The following SULF1 variants were observed in gnomAD, a reference collection of about 807,000 sequenced individuals.
SULF1 encodes extracellular sulfatase Sulf-1.
SULF1 carries 46 observed loss-of-function variants against 110.5 expected under a neutral mutation model. That is an observed-to-expected ratio of 0.42 (90% CI 0.33 to 0.53). The LOEUF is 0.53. Among genes scored for constraint, SULF1 ranks in the 20% least tolerant of loss-of-function variants. The pLI, the probability that SULF1 is intolerant of heterozygous loss-of-function variation, is 0.12. For synonymous variants in SULF1, 371 were observed against 387.1 expected (o/e 0.96, Z 0.49); for missense variants, 941 against 1,094.2 (o/e 0.86, Z 1.98).
At chr8:69,536,463 T>C (rs1347273178) in intron 3 of SULF1, among the ~76,000 whole-genome samples, 7 of 152,190 alleles carry the variant, frequency 4.6e-5, no homozygotes, top group Admixed American at 4.6e-4. Context: ...CTACTATATA[T>C]CAGAAGACAT....
rs1473127567 is a variant in SULF1 at position 69,660,900 on chromosome 8, G to A, written c.*2365G>A. ...GAAGCAATATTTCTTCAAATAAAAG[G>A]TGTTTAAACTTTTTTCTGTTTCAGA... On this transcript the variant is annotated 3_prime_UTR_variant, in exon 23 of 23. Transcript: ENST00000402687. 6.6e-6 allele frequency: 1 copy of A among 152,536 alleles called. No homozygotes were observed. The highest frequency in any genetic ancestry group is 2.1e-4 in the South Asian group (1 of 4,830). 9.4% of individuals were successfully genotyped at this position (152,536 alleles called of 1,614,324 possible). A position where few individuals can be genotyped will look rare whatever the true frequency, so the allele number is the denominator to read the frequency against.
intron 2 of SULF1, among the ~76,000 whole-genome samples, 172 bp downstream of exon 2, chr8:69,496,098 G>C (rs1253806029): frequency 6.6e-6 from 1 of 152,222 alleles, no homozygotes; most frequent in Non-Finnish European, 1.5e-5. Flanking sequence ...TCTGTGCTCA[G>C]CACTTAATCT....
At chr8:69,602,232 G>T (rs548088543) in intron 10 of SULF1, among the ~76,000 whole-genome samples, 1 of 152,044 alleles carries the variant, frequency 6.6e-6, no homozygotes, top group Non-Finnish European at 1.5e-5. Context: ...GTTTTTAAAA[G>T]ATAAATTTTG....
At chr8:69,602,077 A>G (rs1008087160) in intron 10 of SULF1, among the ~76,000 whole-genome samples, 2 of 152,118 alleles carry the variant, frequency 1.3e-5, no homozygotes, top group Non-Finnish European at 2.9e-5. Flanking sequence ...ACTGGAATCT[A>G]TGTCTTTTTG....
At chr8:69,555,738 A>G (rs1469207284) in intron 3 of SULF1, among the ~76,000 whole-genome samples, 2 of 152,184 alleles carry the variant, frequency 1.3e-5, no homozygotes, top group Non-Finnish European at 2.9e-5. Context: ...CTTCCTACAT[A>G]CGACTGTGAG....
chr8:69,595,403 AT>A (rs1354307033), intron 8 of SULF1, among the ~76,000 whole-genome samples: 1 of 152,168 alleles, frequency 6.6e-6, no homozygotes, highest in Non-Finnish European at 1.5e-5. Flanking sequence ...ACTCTGAATT[AT>A]TTTTCTTATA....
intron 3 of SULF1, among the ~76,000 whole-genome samples, chr8:69,536,563 T>C (rs766430818): frequency 2.6e-5 from 4 of 152,174 alleles, no homozygotes; most frequent in African/African-American, 4.8e-5. Flanking sequence ...GTTGGAGGGA[T>C]GGTCAGAGTG....
intron 10 of SULF1, among the ~76,000 whole-genome samples, chr8:69,602,659 A>AT (rs1438038067): frequency 6.6e-6 from 1 of 152,172 alleles, no homozygotes; most frequent in East Asian, 1.9e-4. Context: ...ATCATACTAC[A>AT]TCCTGGAGAG....
chr8:69,613,781 A>G (rs1808857403), intron 13 of SULF1, among the ~76,000 whole-genome samples: 1 of 152,156 alleles, frequency 6.6e-6, no homozygotes, highest in Non-Finnish European at 1.5e-5. Context: ...TTAAAGGCCA[A>G]TTATAGTACT....
intron 3 of SULF1, among the ~76,000 whole-genome samples, chr8:69,522,165 C>G (rs540565301): frequency 1.3e-5 from 2 of 152,132 alleles, no homozygotes; most frequent in South Asian, 4.2e-4. Context: ...ATTCTCCTGC[C>G]TCAGCCTCCT....
At chr8:69,486,782 G>C (rs1324669820) in intron 1 of SULF1, among the ~76,000 whole-genome samples, 2 of 152,178 alleles carry the variant, frequency 1.3e-5, no homozygotes, top group African/African-American at 2.4e-5. Context: ...CCCTGAGAGG[G>C]TTGGAACAAC....
rs145226519 is a variant in SULF1, at chr8:69,507,327, G to A, written c.-134+5359G>A. On this transcript the variant is annotated intron_variant, in intron 3 of 22. Coordinates refer to ENST00000402687, the MANE Select transcript of SULF1 (RefSeq NM_001128205.2). ...CCAAGAAGAAATACTGCCTTGTATC[G>A]TGCTAGAGAATTTGTAGGGCTGATT... Among the ~76,000 whole-genome samples the A allele has an allele frequency of 3.4e-3, 516 of 152,294 alleles. 3 individuals carry two copies. Among genetic ancestry groups the A allele is most frequent in the African/African-American group, 0.011 (476 of 41,570 alleles).
intron 6 of SULF1, among the ~76,000 whole-genome samples, chr8:69,580,995 A>G (rs541195008): frequency 1.6e-4 from 25 of 152,308 alleles, no homozygotes; most frequent in African/African-American, 6.0e-4. Context: ...TAATTTTATT[A>G]TGATGTAGAT....
intron 3 of SULF1, among the ~76,000 whole-genome samples, chr8:69,537,774 C>G (rs1179256966): frequency 6.6e-6 from 1 of 152,132 alleles, no homozygotes; most frequent in South Asian, 2.1e-4. Flanking sequence ...TACAGGATGA[C>G]GGCAACTTTT....
intron 3 of SULF1, among the ~76,000 whole-genome samples, chr8:69,560,434 A>G (rs1218011953): frequency 6.6e-6 from 1 of 152,082 alleles, no homozygotes; most frequent in Non-Finnish European, 1.5e-5. Flanking sequence ...AAAGTCTTGT[A>G]AACTTTCCAC....
At chr8:69,522,254 T>C (rs954199890) in intron 3 of SULF1, among the ~76,000 whole-genome samples, 1 of 152,068 alleles carries the variant, frequency 6.6e-6, no homozygotes, top group Admixed American at 6.6e-5. Flanking sequence ...TTTCACCATG[T>C]TGACCAGGCT....
chr8:69,623,553 T>C (rs1369385794), intron 14 of SULF1, among the ~76,000 whole-genome samples: 2 of 152,216 alleles, frequency 1.3e-5, no homozygotes, highest in East Asian at 3.8e-4. Context: ...AACACCATAA[T>C]TGGGAATATG....
intron 13 of SULF1, among the ~76,000 whole-genome samples, chr8:69,611,691 C>G (rs936880196): frequency 1.3e-5 from 2 of 152,132 alleles, no homozygotes; most frequent in Non-Finnish European, 2.9e-5. Flanking sequence ...CACAAAATTA[C>G]TATACAGTTG....
chr8:69,603,420 C>G, intron 11 of SULF1, 100 bp downstream of exon 11: 4 of 1,575,626 alleles, frequency 2.5e-6, no homozygotes, highest in Non-Finnish European at 3.5e-6. Flanking sequence ...CAGAATATGC[C>G]TTGCCCACAA....
Sources: allele counts gnomAD v4.1 joint callset (sites outside exome capture counted in the v4.1 genomes callset), GRCh38; gene constraint gnomAD v4.1.1; transcripts MANE v1.5; gene names NCBI Gene and HGNC (gene_info 2026-07-23, HGNC 2026-07-21).